The following LRP1B variants were observed in gnomAD, a reference collection of about 807,000 sequenced individuals.
LRP1B encodes low-density lipoprotein receptor-related protein 1B.
A neutral mutation model predicts 556.6 loss-of-function variants in LRP1B; 217 were observed. That is an observed-to-expected ratio of 0.39 (90% CI 0.35 to 0.44). LRP1B has a LOEUF of 0.44. Among genes scored for constraint, LRP1B ranks in the 20% least tolerant of loss-of-function variants. LRP1B has a pLI of 1.00. For missense variants in LRP1B, 5,053 were observed against 5,620.8 expected, an observed-to-expected ratio of 0.90 and a Z score of 3.23; for synonymous variants, 2,047 against 1,865.8, an observed-to-expected ratio of 1.10 and a Z score of -2.50.
intron 1 of LRP1B, among the ~76,000 whole-genome samples, chr2:141,891,163 C>T (rs1699280721): frequency 6.6e-6 from 1 of 151,776 alleles, no homozygotes; most frequent in South Asian, 2.1e-4. Flanking sequence ...CAACTTTTGC[C>T]AGATAAAAAA....
At chr2:141,130,755 C>T (rs1701329781) in intron 7 of LRP1B, among the ~76,000 whole-genome samples, 1 of 152,050 alleles carries the variant, frequency 6.6e-6, no homozygotes, top group African/African-American at 2.4e-5. Context: ...TTTACAATAG[C>T]AAAGACTTGG....
chr2:141,646,890 T>C (rs1689586479), intron 2 of LRP1B, among the ~76,000 whole-genome samples: 1 of 152,166 alleles, frequency 6.6e-6, no homozygotes, highest in Non-Finnish European at 1.5e-5. Flanking sequence ...CTAGAGTCAG[T>C]CAAGGGGGGA....
intron 6 of LRP1B, among the ~76,000 whole-genome samples, chr2:141,209,252 G>T (rs1055102318): frequency 6.6e-6 from 1 of 152,118 alleles, no homozygotes; most frequent in Admixed American, 6.5e-5. Flanking sequence ...AATCATGAGG[G>T]TGTTTATCCT....
chr2:141,685,985 A>T (rs1691287468), intron 2 of LRP1B, among the ~76,000 whole-genome samples: 1 of 152,120 alleles, frequency 6.6e-6, no homozygotes, highest in Non-Finnish European at 1.5e-5. Flanking sequence ...CTCAGGTAAC[A>T]TCACATGTTT....
intron 86 of LRP1B, among the ~76,000 whole-genome samples, chr2:140,263,840 C>T (rs1682064617): frequency 6.7e-6 from 1 of 148,286 alleles, no homozygotes; most frequent in Admixed American, 6.8e-5. Flanking sequence ...CAACATTCTG[C>T]CATCTTCTAC....
intron 3 of LRP1B, among the ~76,000 whole-genome samples, chr2:141,465,009 A>C (rs1682126039): frequency 6.6e-6 from 1 of 151,634 alleles, no homozygotes; most frequent in South Asian, 2.1e-4. Context: ...GAAACAAAAA[A>C]AAGATAGGAA....
chr2:140,462,095 C>T (rs1360744563), intron 60 of LRP1B, among the ~76,000 whole-genome samples: 4 of 152,082 alleles, frequency 2.6e-5, no homozygotes, highest in Non-Finnish European at 1.5e-5. Context: ...AGGTAATCCC[C>T]TAAAACTTTA....
chr2:141,603,347 C>T (rs1163464600), intron 2 of LRP1B, among the ~76,000 whole-genome samples: 4 of 152,022 alleles, frequency 2.6e-5, no homozygotes, highest in Non-Finnish European at 4.4e-5. Flanking sequence ...TGTATGCATG[C>T]GTTTGTGTAA....
chr2:140,269,768 C>G (rs72892205), intron 86 of LRP1B, among the ~76,000 whole-genome samples: 1,754 of 151,934 alleles, frequency 0.012, 26 homozygotes, highest in Non-Finnish European at 0.018. Flanking sequence ...CTCAGACACT[C>G]AAGTTATTCT....
At chr2:141,143,183 C>A (rs938406663) in intron 7 of LRP1B, among the ~76,000 whole-genome samples, 1 of 152,128 alleles carries the variant, frequency 6.6e-6, no homozygotes, top group Admixed American at 6.5e-5. Context: ...CCCCACTCGG[C>A]CTCCCAAAGT....
At chr2:141,265,687 A>T (rs956764208) in intron 3 of LRP1B, among the ~76,000 whole-genome samples, 1 of 152,320 alleles carries the variant, frequency 6.6e-6, no homozygotes, top group East Asian at 1.9e-4. Context: ...TTCTCAAAAC[A>T]AAAAAGTAAT....
chr2:140,325,646 A>C, intron 80 of LRP1B, 116 bp downstream of exon 80: 1 of 665,078 alleles, frequency 1.5e-6, no homozygotes, highest in South Asian at 2.6e-5. Flanking sequence ...AGTTGAAAGG[A>C]GAAAGAATTT....
intron 1 of LRP1B, among the ~76,000 whole-genome samples, chr2:141,964,857 G>T (rs1256178904): frequency 6.6e-6 from 1 of 151,282 alleles, no homozygotes. Flanking sequence ...CTGACAAAGG[G>T]CTAATATCCA....
At chr2:141,656,730 G>A (rs1468112162) in intron 2 of LRP1B, among the ~76,000 whole-genome samples, 3 of 152,040 alleles carry the variant, frequency 2.0e-5, no homozygotes, top group Admixed American at 6.6e-5. Flanking sequence ...CATGAGCTGA[G>A]AACTTTGAAC....
chr2:140,529,092 G>A (rs1690567276), intron 47 of LRP1B, among the ~76,000 whole-genome samples: 1 of 151,874 alleles, frequency 6.6e-6, no homozygotes, highest in Non-Finnish European at 1.5e-5. Context: ...TTCCCTCCAG[G>A]TAGTCCGAAA....
intron 2 of LRP1B, among the ~76,000 whole-genome samples, chr2:141,519,043 C>CGTGACT (rs1559117881): frequency 6.6e-6 from 1 of 151,836 alleles, no homozygotes; most frequent in Non-Finnish European, 1.5e-5. Flanking sequence ...TTGAGAAAAT[C>CGTGACT]GCTTTAACTC....
At chr2:141,911,170 T>G (rs1170350130) in intron 1 of LRP1B, among the ~76,000 whole-genome samples, 2 of 152,144 alleles carry the variant, frequency 1.3e-5, no homozygotes, top group Admixed American at 1.3e-4. Context: ...ACAGATAGAT[T>G]GGTTGGCTTA....
intron 82 of LRP1B, among the ~76,000 whole-genome samples, chr2:140,315,829 A>AAG (rs1454802624): frequency 1.3e-5 from 2 of 152,178 alleles, no homozygotes; most frequent in Non-Finnish European, 2.9e-5. Context: ...TGTTTACATG[A>AAG]AGAGAGACTC....
intron 7 of LRP1B, among the ~76,000 whole-genome samples, chr2:141,187,853 AAAG>A (rs905877737): frequency 1.4e-4 from 22 of 152,108 alleles, no homozygotes; most frequent in African/African-American, 3.6e-4. Context: ...GTTAAAAAAA[AAAG>A]AAGATGAATT....
Sources: allele counts gnomAD v4.1 joint callset (sites outside exome capture counted in the v4.1 genomes callset), GRCh38; gene constraint gnomAD v4.1.1; transcripts MANE v1.5; gene names NCBI Gene and HGNC (gene_info 2026-07-23, HGNC 2026-07-21).